The following FHIP2A variants were observed in gnomAD, a reference collection of about 807,000 sequenced individuals.
FHIP2A encodes family with sequence similarity 160 member B1.
Under a neutral mutation model 93.5 loss-of-function variants are expected in FHIP2A, and 46 were observed. That is an observed-to-expected ratio of 0.49 (90% CI 0.39 to 0.63). The LOEUF is 0.63. Among genes scored for constraint, FHIP2A ranks in the 20% least tolerant of loss-of-function variants. The pLI is 0.00. For synonymous variants in FHIP2A, 332 were observed against 326.5 expected (o/e 1.02, Z -0.18); for missense variants, 769 against 909.7 (o/e 0.85, Z 1.99).
intron 13 of FHIP2A, among the ~76,000 whole-genome samples, chr10:114,849,111 G>A (rs1198971910): frequency 8.9e-6 from 1 of 112,046 alleles, no homozygotes; most frequent in Non-Finnish European, 1.7e-5. Context: ...CTGGGCAAGA[G>A]AGCAAGACTC....
chr10:114,847,201 T>A lies in FHIP2A; in HGVS notation c.1680T>A (p.Asp560Glu). 6.2e-7 allele frequency: 1 copy of A among 1,612,536 alleles called. No homozygotes were observed. The highest frequency in any genetic ancestry group is 8.5e-7 in the Non-Finnish European group (1 of 1,179,548). Residue 560 changes from aspartate (D) to glutamate (E), a missense_variant, in exon 12 of 17, where the codon GAT (aspartate) becomes GAA (glutamate). Physicochemically the swap from Asp to Glu is conservative, Grantham distance 45 (BLOSUM62 2). Coordinates refer to ENST00000369248, the MANE Select transcript of FHIP2A (RefSeq NM_020940.4). Reference sequence around the variant, plus strand: ...CTACTCCAGACCACCCCAAAAATGATGGAAAAACTGAAGTTCATAAAATTG... The same window carrying A: ...CTACTCCAGACCACCCCAAAAATGAAGGAAAAACTGAAGTTCATAAAATTG... ...PPATPDHPKN[D>E]GKTEVHKIVN...
intron 11 of FHIP2A, 50 bp from the exon 12 acceptor site, chr10:114,847,040 A>G: frequency 6.7e-7 from 1 of 1,485,560 alleles, no homozygotes; most frequent in East Asian, 2.3e-5. Context: ...TTGGTTTAGA[A>G]AATGTCATAA....
Position 114,833,256 on chromosome 10 carries a change from A to G in FHIP2A, c.148A>G (p.Thr50Ala). Residue 50 changes from threonine to alanine, a missense_variant, in exon 3 of 17, where the codon ACA becomes GCA. Thr to Ala is a moderately conservative substitution (Grantham distance 58). Coordinates refer to ENST00000369248, the MANE Select transcript of FHIP2A (RefSeq NM_020940.4). ...TSDDKAPVTD[T>A]NIPSHLEQML... ...AGATGATAAAGCCCCAGTGACCGATACAAATATTCCATCGCATCTGGAACA... is the reference window on the plus strand; with the variant it reads ...AGATGATAAAGCCCCAGTGACCGATGCAAATATTCCATCGCATCTGGAACA... 1 of 1,611,150 alleles carries G rather than the reference A, an allele frequency of 6.2e-7. No individual in the cohort carries two copies. Among genetic ancestry groups the G allele is most frequent in the Middle Eastern group, 1.7e-4 (1 of 6,056 alleles).
At chr10:114,894,270 A>G (rs2083989428) in intron 16 of FHIP2A, among the ~76,000 whole-genome samples, 1 of 152,000 alleles carries the variant, frequency 6.6e-6, no homozygotes, top group South Asian at 2.1e-4. Context: ...AAGATGATGT[A>G]GGATGAAGCT....
chr10:114,845,872 T>C, intron 8 of FHIP2A, 141 bp from the exon 9 acceptor site: 1 of 645,966 alleles, frequency 1.5e-6, no homozygotes, highest in Non-Finnish European at 2.7e-6. Flanking sequence ...TCTAGATTTA[T>C]ATGCCACCAA....
intron 16 of FHIP2A, among the ~76,000 whole-genome samples, chr10:114,879,847 A>AGG (rs1204492648): frequency 6.6e-6 from 1 of 152,290 alleles, no homozygotes; most frequent in African/African-American, 2.4e-5. Context: ...TTTTAGACAC[A>AGG]GGAGGCTCTC....
chr10:114,894,395 CAAAA>C lies in FHIP2A; in HGVS notation c.2193-5076_2193-5073del, dbSNP rs3086069. On this transcript the variant is annotated intron_variant, in intron 16 of 16. Coordinates refer to the FHIP2A transcript ENST00000369250. ...GCAACACAGCAAAACCCCATCTCTA[CAAAA>C]AAAAAAAAAAAAAAAAAATTAGCCA... is the stretch of plus-strand genomic sequence containing the variant. Among the ~76,000 whole-genome samples the C allele has an allele frequency of 2.4e-3, 267 of 109,228 alleles. 1 individual carries two copies. Among genetic ancestry groups the C allele is most frequent in the Middle Eastern group, 5.2e-3 (1 of 194 alleles). 71.7% of individuals were successfully genotyped at this position (109,228 alleles called of 152,430 possible). A position where few individuals can be genotyped will look rare whatever the true frequency, so the allele number is the denominator to read the frequency against.
At chr10:114,891,742 G>C (rs1056960189) in intron 16 of FHIP2A, among the ~76,000 whole-genome samples, 6 of 151,540 alleles carry the variant, frequency 4.0e-5, no homozygotes, top group Non-Finnish European at 8.8e-5. Flanking sequence ...TCAGCCTCCC[G>C]AGTAGCTGGG....
At chr10:114,881,122 T>C (rs2083914961) in intron 16 of FHIP2A, among the ~76,000 whole-genome samples, 1 of 152,220 alleles carries the variant, frequency 6.6e-6, no homozygotes, top group South Asian at 2.1e-4. Context: ...GAGGGGGCTG[T>C]AAACATGCCT....
intron 5 of FHIP2A, among the ~76,000 whole-genome samples, chr10:114,839,287 C>T (rs994481485): frequency 2.0e-5 from 3 of 151,962 alleles, no homozygotes; most frequent in South Asian, 2.1e-4. Context: ...CCACCACGCC[C>T]GGCTAATTTT....
chr10:114,874,576 C>G (rs926153443), intron 16 of FHIP2A, among the ~76,000 whole-genome samples: 15 of 152,192 alleles, frequency 9.9e-5, no homozygotes, highest in African/African-American at 3.6e-4. Context: ...AATCTTGGCT[C>G]AGTGCAACCT....
At chr10:114,879,657 G>A (rs2083907026) in intron 16 of FHIP2A, among the ~76,000 whole-genome samples, 1 of 152,052 alleles carries the variant, frequency 6.6e-6, no homozygotes, top group Admixed American at 6.5e-5. Flanking sequence ...GTCAACTGGG[G>A]GGCTTTGGTT....
At position 114,843,696 on chromosome 10, in the gene FHIP2A, G is replaced by T. The variant is rs548125798; in HGVS notation, c.817-45G>T. On this transcript the variant is annotated intron_variant, in intron 6 of 16. Transcript: ENST00000369248. Reference sequence around the variant, plus strand: ...GTTGAATGTTTTCAAACAACCTGATGTATATACAATTCAAGAATTGAAGGG... The same window carrying T: ...GTTGAATGTTTTCAAACAACCTGATTTATATACAATTCAAGAATTGAAGGG... 8.1e-6 allele frequency: 11 copies of T among 1,356,138 alleles called. No individual in the cohort carries two copies. The African/African-American group carries it at 1.2e-4, about 14-fold the overall frequency. The allele number at this position is 1,356,138 out of a possible 1,614,324, so 84.0% of individuals were successfully genotyped here.
chr10:114,861,451 C>T lies in FHIP2A; in HGVS notation c.2209C>T (p.Leu737=). The T allele has an allele frequency of 6.2e-7, 1 of 1,614,082 alleles. No homozygotes were observed. ...PEGPIIDHIT[L]LEGVIVLEEF... ...CCTTACCAGTATTGACCACATCACA[C>T]TGCTAGAGGGTGTGATTGTGTTAGA... The change falls in exon 17 of 17, where the codon CTG becomes TTG. Residue 737 remains leucine, a synonymous_variant. Coordinates refer to ENST00000369248, the MANE Select transcript of FHIP2A (RefSeq NM_020940.4).
At chr10:114,846,439 TA>T in intron 10 of FHIP2A, 72 bp downstream of exon 10, 1 of 1,466,722 alleles carries the variant, frequency 6.8e-7, no homozygotes, top group Non-Finnish European at 9.3e-7. Context: ...ATACTTCAGA[TA>T]TTTTCAATAC....
chr10:114,834,497 G>T (rs1330896159), intron 3 of FHIP2A, among the ~76,000 whole-genome samples: 1 of 152,144 alleles, frequency 6.6e-6, no homozygotes, highest in African/African-American at 2.4e-5. Context: ...TTGTGCATAA[G>T]ATTATAGTTT....
At position 114,855,319 on chromosome 10, in the gene FHIP2A, A is replaced by G; in HGVS notation, c.1926A>G (p.Arg642=). Residue 642 remains arginine (R), a synonymous_variant, in exon 14 of 17, where the codon AGA becomes AGG. Coordinates refer to ENST00000369248, the MANE Select transcript of FHIP2A (RefSeq NM_020940.4). ...ATTTTTTGAAAGTGCTGTTCGACAGAATGGGAAGAATTCTTGATCAGGTAA... is the reference window on the plus strand; with the variant it reads ...ATTTTTTGAAAGTGCTGTTCGACAGGATGGGAAGAATTCTTGATCAGGTAA... ...EGHFLKVLFD[R]MGRILDQPYD... is the part of the protein sequence containing the mutation. The G allele has an allele frequency of 6.2e-7, 1 of 1,613,866 alleles. No homozygotes were observed. The highest frequency in any genetic ancestry group is 1.7e-4 in the Middle Eastern group (1 of 6,058).
chr10:114,857,131 A>T (rs958882820), intron 14 of FHIP2A, among the ~76,000 whole-genome samples: 119 of 152,146 alleles, frequency 7.8e-4, no homozygotes, highest in Non-Finnish European at 1.3e-3. Flanking sequence ...AAACAAAAAA[A>T]AAACCCTTGA....
rs2083819818 is a variant in FHIP2A at position 114,864,643 on chromosome 10, C to T, written c.*3103C>T. On this transcript the variant is annotated 3_prime_UTR_variant, in exon 17 of 17. Coordinates refer to ENST00000369248, the MANE Select transcript of FHIP2A (RefSeq NM_020940.4). ...CTTCAAAGGAAGTTGTGATCAAGTT[C>T]AACTTTTTGTGCTAACAATGCATGC... 1 of 985,500 alleles carries T rather than the reference C, an allele frequency of 1.0e-6. No homozygotes were observed. The highest frequency in any genetic ancestry group is 6.2e-5 in the Admixed American group (1 of 16,250). 61.0% of individuals were successfully genotyped at this position (985,500 alleles called of 1,614,324 possible).
Sources: gnomAD v4.1 joint callset for allele counts (sites outside exome capture counted in the v4.1 genomes callset) on GRCh38, gnomAD v4.1.1 for gene constraint, MANE v1.5 for transcripts, NCBI Gene and HGNC (gene_info 2026-07-23, HGNC 2026-07-21) for gene names.